Variants in ROBO1 observed in about 807,000 individuals in gnomAD.
ROBO1 encodes roundabout guidance receptor 1.
ROBO1 carries 149 observed loss-of-function variants against 195.9 expected under a neutral mutation model. The observed-to-expected ratio is 0.76, with a 90% CI of 0.67 to 0.87. ROBO1 has a LOEUF of 0.87. Among genes scored for constraint, ROBO1 ranks in the 40% least tolerant of loss-of-function variants. The pLI, the probability that ROBO1 is intolerant of heterozygous loss-of-function variation, is 0.00. For synonymous variants in ROBO1, 816 were observed against 733.2 expected (o/e 1.11, Z -1.82); for missense variants, 1,933 against 2,068.3 (o/e 0.93, Z 1.27).
At chr3:78,687,444 C>T (rs188871838) in intron 9 of ROBO1, among the ~76,000 whole-genome samples, 19 of 152,204 alleles carry the variant, frequency 1.2e-4, no homozygotes, top group Non-Finnish European at 2.9e-5. Flanking sequence ...TGTTAGCATT[C>T]CCTACCAAAT....
intron 2 of ROBO1, among the ~76,000 whole-genome samples, chr3:79,253,144 T>G (rs1201650632): frequency 6.6e-6 from 1 of 152,084 alleles, no homozygotes; most frequent in Non-Finnish European, 1.5e-5. Flanking sequence ...AATCAATTAT[T>G]AGCAGTGTGT....
At chr3:78,630,380 A>C (rs1182656560) in intron 25 of ROBO1, among the ~76,000 whole-genome samples, 3 of 152,222 alleles carry the variant, frequency 2.0e-5, no homozygotes, top group Non-Finnish European at 4.4e-5. Context: ...TGCATTTTAT[A>C]AAAAGATTAT....
At chr3:79,103,943 T>C (rs2079727141) in intron 3 of ROBO1, among the ~76,000 whole-genome samples, 1 of 151,740 alleles carries the variant, frequency 6.6e-6, no homozygotes, top group South Asian at 2.1e-4. Context: ...TGGTCAGGGA[T>C]TGACAATGGT....
chr3:79,591,628 G>T (rs1944001930), intron 1 of ROBO1, among the ~76,000 whole-genome samples: 1 of 151,766 alleles, frequency 6.6e-6, no homozygotes, highest in African/African-American at 2.4e-5. Flanking sequence ...TATAAACCTA[G>T]ATTAATATTT....
At chr3:79,530,302 C>A (rs546864073) in intron 2 of ROBO1, among the ~76,000 whole-genome samples, 52 of 152,156 alleles carry the variant, frequency 3.4e-4, no homozygotes, top group African/African-American at 1.2e-3. Flanking sequence ...GCATGAGGTA[C>A]CACCGACAAT....
intron 3 of ROBO1, among the ~76,000 whole-genome samples, chr3:78,980,641 A>G (rs1158092789): frequency 6.6e-6 from 1 of 152,142 alleles, no homozygotes; most frequent in Non-Finnish European, 1.5e-5. Context: ...TGTTTGTAGC[A>G]TAGGAAACTG....
chr3:79,056,947 C>T (rs1385991181), intron 3 of ROBO1, among the ~76,000 whole-genome samples: 3 of 152,030 alleles, frequency 2.0e-5, no homozygotes, highest in Non-Finnish European at 2.9e-5. Flanking sequence ...GGATTTGATC[C>T]GAATTTAATT....
At chr3:78,896,327 T>C (rs1273717145) in intron 4 of ROBO1, among the ~76,000 whole-genome samples, 1 of 152,034 alleles carries the variant, frequency 6.6e-6, no homozygotes, top group African/African-American at 2.4e-5. Context: ...CACCTATACA[T>C]CCAGATGGCC....
Position 78,860,122 on chromosome 3 carries a change from C to G in ROBO1, c.499+78479G>C, listed in dbSNP as rs1214913872. ...CAAGGGGTTTTAGGAAAGAAGGGAA[C>G]ATAGGTAGGTAGATAGGTAGATAGA... On this transcript the variant is annotated intron_variant, in intron 4 of 30. Transcript: ENST00000464233. Among the ~76,000 whole-genome samples the G allele has an allele frequency of 2.8e-5, 4 of 140,790 alleles. No individual in the cohort carries two copies. In the South Asian group the frequency reaches 6.8e-4, roughly 24 times the overall value. 92.4% of individuals were successfully genotyped at this position (140,790 alleles called of 152,430 possible). A position where few individuals can be genotyped will look rare whatever the true frequency, so the allele number is the denominator to read the frequency against.
chr3:79,313,993 A>G (rs186762136), intron 2 of ROBO1, among the ~76,000 whole-genome samples: 25 of 152,144 alleles, frequency 1.6e-4, no homozygotes, highest in African/African-American at 6.0e-4. Flanking sequence ...TAAAGATGTT[A>G]TTCCTTTTGT....
intron 2 of ROBO1, among the ~76,000 whole-genome samples, chr3:79,247,105 A>T (rs999433746): frequency 3.3e-5 from 5 of 150,558 alleles, no homozygotes; most frequent in Admixed American, 6.7e-5. Flanking sequence ...GTTCTGGAGA[A>T]AAGCATTAAG....
At chr3:79,382,110 C>T (rs375143901) in intron 2 of ROBO1, among the ~76,000 whole-genome samples, 1 of 152,100 alleles carries the variant, frequency 6.6e-6, no homozygotes, top group East Asian at 1.9e-4. Flanking sequence ...ATCATCAAAA[C>T]AGATCTTAGA....
intron 1 of ROBO1, among the ~76,000 whole-genome samples, chr3:79,723,281 T>C (rs930013572): frequency 5.9e-5 from 9 of 152,158 alleles, no homozygotes; most frequent in African/African-American, 2.2e-4. Context: ...ATGCTAACTC[T>C]TTGTCCTGAG....
chr3:78,628,712 T>C (rs1225431134), intron 25 of ROBO1, among the ~76,000 whole-genome samples: 2 of 152,280 alleles, frequency 1.3e-5, no homozygotes, highest in East Asian at 3.9e-4. Flanking sequence ...TTTGCCTCTT[T>C]CTTATGTTTC....
chr3:78,813,265 A>G (rs183215438), intron 4 of ROBO1, among the ~76,000 whole-genome samples: 78 of 150,636 alleles, frequency 5.2e-4, no homozygotes, highest in African/African-American at 1.7e-3. Context: ...CACACACACC[A>G]CTTTGATAAC....
chr3:78,714,656 A>T, intron 7 of ROBO1, 132 bp from the exon 8 acceptor site: 1 of 763,736 alleles, frequency 1.3e-6, no homozygotes, highest in Non-Finnish European at 1.9e-6. Flanking sequence ...AAAACATGGT[A>T]TTCCTCTAAG....
intron 3 of ROBO1, among the ~76,000 whole-genome samples, chr3:78,986,328 T>C (rs922313950): frequency 2.0e-5 from 3 of 152,128 alleles, no homozygotes; most frequent in African/African-American, 7.2e-5. Flanking sequence ...TAGCAATTAC[T>C]ATCAGCATAG....
chr3:78,759,784 T>G (rs900294399), intron 4 of ROBO1, among the ~76,000 whole-genome samples: 15 of 152,122 alleles, frequency 9.9e-5, no homozygotes, highest in Non-Finnish European at 1.5e-5. Flanking sequence ...GGTCTTCACA[T>G]CTCTGAAAAT....
At chr3:79,193,547 T>C (rs1465487908) in intron 2 of ROBO1, among the ~76,000 whole-genome samples, 1 of 150,942 alleles carries the variant, frequency 6.6e-6, no homozygotes, top group Non-Finnish European at 1.5e-5. Flanking sequence ...CTAGATATAT[T>C]TACCTTGTAT....
Sources: allele counts gnomAD v4.1 joint callset (sites outside exome capture counted in the v4.1 genomes callset), GRCh38; gene constraint gnomAD v4.1.1; transcripts MANE v1.5; gene names NCBI Gene and HGNC (gene_info 2026-07-23, HGNC 2026-07-21).